RPRD2: variants seen among roughly 807,000 people sequenced by gnomAD.
The protein encoded by RPRD2 is regulation of nuclear pre-mRNA domain-containing protein 2.
In RPRD2, 12 loss-of-function variants were observed where a neutral mutation model predicts 104.4. The observed-to-expected ratio is 0.11, with a 90% confidence interval of 0.07 to 0.19. RPRD2 has a LOEUF of 0.19. RPRD2 is among the 10% of genes least tolerant of loss of function. The pLI is 1.00. For synonymous variants in RPRD2, 714 were observed against 684.9 expected (o/e 1.04, Z -0.66); for missense variants, 1,543 against 1,790.1 (o/e 0.86, Z 2.49).
At chr1:150,383,059 C>G (rs1572361962) in intron 1 of RPRD2, among the ~76,000 whole-genome samples, 1 of 152,150 alleles carries the variant, frequency 6.6e-6, no homozygotes, top group South Asian at 2.1e-4. Flanking sequence ...GTGGTGCGAT[C>G]ATGGCTCACT....
chr1:150,365,283 A>C (rs1553877001), intron 1 of RPRD2, among the ~76,000 whole-genome samples: 1 of 152,176 alleles, frequency 6.6e-6, no homozygotes, highest in Non-Finnish European at 1.5e-5. Context: ...TTGACGTGTT[A>C]ATGATTTCTG....
chr1:150,416,872 C>CAAA (rs782463847), intron 1 of RPRD2, among the ~76,000 whole-genome samples: 21,753 of 71,028 alleles, frequency 0.31, 3,207 homozygotes, highest in Non-Finnish European at 0.41. Flanking sequence ...ACTCCATCTC[C>CAAA]AAAAAAAAAA....
At chr1:150,413,735 G>C (rs1160799642) in intron 1 of RPRD2, among the ~76,000 whole-genome samples, 1 of 151,846 alleles carries the variant, frequency 6.6e-6, no homozygotes, top group Non-Finnish European at 1.5e-5. Flanking sequence ...AGACCAGCCT[G>C]ACCAACATAG....
intron 1 of RPRD2, among the ~76,000 whole-genome samples, chr1:150,414,944 G>A (rs1451276003): frequency 2.0e-5 from 3 of 152,164 alleles, no homozygotes; most frequent in African/African-American, 4.8e-5. Flanking sequence ...GTAACCTAAG[G>A]TGGTCACAAG....
rs587653069 is a variant in RPRD2 at position 150,382,451 on chromosome 1, C to T, written c.205+17532C>T. Among the ~76,000 whole-genome samples, 14 of 151,776 alleles carry T rather than the reference C, an allele frequency of 9.2e-5. No homozygotes were observed. The East Asian group carries it at 2.2e-3, about 23-fold the overall frequency. ...CCAGGCTGGAGTGCAATGGCGATCT[C>T]GGCTCTGCCTCCCGGATTCAAGTGA... On this transcript the variant is annotated intron_variant, in intron 1 of 10. Transcript: ENST00000369068.
At chr1:150,421,448 T>G (rs927835058) in intron 2 of RPRD2, among the ~76,000 whole-genome samples, 5 of 152,192 alleles carry the variant, frequency 3.3e-5, no homozygotes, top group African/African-American at 1.2e-4. Flanking sequence ...CCTAATATGT[T>G]ATTTATACTC....
At chr1:150,366,905 C>T (rs1482289408) in intron 1 of RPRD2, among the ~76,000 whole-genome samples, 1 of 152,150 alleles carries the variant, frequency 6.6e-6, no homozygotes, top group Non-Finnish European at 1.5e-5. Context: ...GTCCCTGTCC[C>T]GTCTCTGCTG....
chr1:150,373,532 A>C (rs1397081433), intron 1 of RPRD2, among the ~76,000 whole-genome samples: 3 of 44,944 alleles, frequency 6.7e-5, no homozygotes, highest in Non-Finnish European at 1.7e-4. Flanking sequence ...ATCAAGAATG[A>C]CTTTTTTTTT....
At chr1:150,463,644 C>A (rs189376015) in intron 9 of RPRD2, among the ~76,000 whole-genome samples, 82 of 152,188 alleles carry the variant, frequency 5.4e-4, no homozygotes, top group African/African-American at 1.8e-3. Flanking sequence ...TAAAGATCAA[C>A]CCAGTGTTTT....
At chr1:150,442,487 G>C (rs1333962969) in intron 4 of RPRD2, among the ~76,000 whole-genome samples, 1 of 152,148 alleles carries the variant, frequency 6.6e-6, no homozygotes, top group Non-Finnish European at 1.5e-5. Flanking sequence ...GAGATCAAGG[G>C]AATGGAATAC....
intron 1 of RPRD2, among the ~76,000 whole-genome samples, chr1:150,394,078 C>G (rs1662300946): frequency 6.6e-6 from 1 of 152,020 alleles, no homozygotes; most frequent in African/African-American, 2.4e-5. Context: ...CGGAATTTCA[C>G]TCTTAAAAGT....
chr1:150,449,184 A>G (rs2102380580), intron 7 of RPRD2, among the ~76,000 whole-genome samples: 1 of 152,338 alleles, frequency 6.6e-6, no homozygotes. Context: ...CGAATTGGCT[A>G]ATGGATAAGC....
At position 150,471,936 on chromosome 1, in the gene RPRD2, C is replaced by T. The variant is rs758167990; in HGVS notation, c.2988C>T (p.Val996=). 8 of 1,613,936 alleles carry T rather than the reference C, an allele frequency of 5.0e-6. No individual in the cohort carries two copies. In the Admixed American group the frequency reaches 8.3e-5, roughly 17 times the overall value. Reference sequence around the variant, plus strand: ...CACCCACGTCAGGCGTGGAGAAAGTCCTGGCCTCCACCATTTCCACCACGT... The same window carrying T: ...CACCCACGTCAGGCGTGGAGAAAGTTCTGGCCTCCACCATTTCCACCACGT... ...GHPPTSGVEK[V]LASTISTTST... is the part of the protein sequence containing the mutation. Residue 996 remains valine, a synonymous_variant, in exon 11 of 11, where the codon GTC becomes GTT. Coordinates refer to ENST00000369068, the MANE Select transcript of RPRD2 (RefSeq NM_015203.5). This position sits in a 1 kb window ranked among gnomAD's most constrained non-coding sequence, Gnocchi z 5.3.
At chr1:150,438,835 A>G (rs951165001) in intron 2 of RPRD2, among the ~76,000 whole-genome samples, 2 of 151,848 alleles carry the variant, frequency 1.3e-5, no homozygotes, top group South Asian at 4.1e-4. Context: ...GTAAGTACAT[A>G]TCTAAACTTT....
intron 2 of RPRD2, among the ~76,000 whole-genome samples, chr1:150,427,323 A>G (rs1665209644): frequency 6.6e-6 from 1 of 152,142 alleles, no homozygotes. Flanking sequence ...AAATACAAAA[A>G]GTAGCTGAGC....
intron 10 of RPRD2, among the ~76,000 whole-genome samples, chr1:150,465,084 G>A (rs1398424548): frequency 6.6e-6 from 1 of 152,032 alleles, no homozygotes; most frequent in Non-Finnish European, 1.5e-5. Flanking sequence ...GGCCAGGCTG[G>A]TCTCAAACTC....
chr1:150,375,417 G>A (rs1281548641), intron 1 of RPRD2, among the ~76,000 whole-genome samples: 1 of 152,164 alleles, frequency 6.6e-6, no homozygotes, highest in Non-Finnish European at 1.5e-5. Context: ...AATTACAATA[G>A]CAGTGGAAAA....
intron 4 of RPRD2, among the ~76,000 whole-genome samples, chr1:150,442,626 C>T (rs999418117): frequency 1.3e-5 from 2 of 152,110 alleles, no homozygotes; most frequent in African/African-American, 2.4e-5. Flanking sequence ...TTTGCTCCAG[C>T]GAGCATATGA....
At chr1:150,411,893 A>C (rs1328515847) in intron 1 of RPRD2, among the ~76,000 whole-genome samples, 1 of 151,928 alleles carries the variant, frequency 6.6e-6, no homozygotes, top group Non-Finnish European at 1.5e-5. Context: ...TGGGAGGCTA[A>C]GGTGGGTGGA....
Sources: gnomAD v4.1 joint callset for allele counts (sites outside exome capture counted in the v4.1 genomes callset) on GRCh38, gnomAD v4.1.1 for gene constraint, Gnocchi (gnomAD v3.1) non-coding constraint, MANE v1.5 for transcripts, NCBI Gene and HGNC (gene_info 2026-07-23, HGNC 2026-07-21) for gene names.